APP: variants seen among roughly 807,000 people sequenced by gnomAD.
The protein encoded by APP is amyloid beta precursor protein, also known as amyloid-beta precursor protein.
Under a neutral mutation model 101.4 loss-of-function variants are expected in APP, and 31 were observed. That is an observed-to-expected ratio of 0.31 (90% CI 0.23 to 0.41). The LOEUF (loss-of-function observed/expected upper bound fraction) is 0.41, where lower values mean the gene tolerates loss of function less well. Among genes scored for constraint, APP ranks in the 10% least tolerant of loss-of-function variants. The pLI, the probability that APP is intolerant of heterozygous loss-of-function variation, is 1.00. For missense variants in APP, 839 were observed against 1,003.7 expected, an observed-to-expected ratio of 0.84 and a Z score of 2.22; for synonymous variants, 366 against 364.4, an observed-to-expected ratio of 1.00 and a Z score of -0.05.
intron 13 of APP, among the ~76,000 whole-genome samples, chr21:25,941,114 T>C (rs768323905): frequency 6.6e-5 from 10 of 152,228 alleles, no homozygotes; most frequent in Non-Finnish European, 1.5e-5. Flanking sequence ...AGTTAAGTGG[T>C]AATTCACTGA....
intron 11 of APP, among the ~76,000 whole-genome samples, chr21:25,968,292 G>A (rs113766318): frequency 5.1e-4 from 76 of 150,352 alleles, no homozygotes; most frequent in Middle Eastern, 6.9e-3. Flanking sequence ...CTACAGGCGC[G>A]CACCATCATG....
At chr21:26,092,401 AAAG>A (rs1453182480) in intron 2 of APP, among the ~76,000 whole-genome samples, 1 of 152,184 alleles carries the variant, frequency 6.6e-6, no homozygotes, top group Non-Finnish European at 1.5e-5. Flanking sequence ...TTGCTAAGTG[AAAG>A]AAGCCCATCT....
chr21:26,026,374 C>T (rs757619631), intron 5 of APP, among the ~76,000 whole-genome samples: 1 of 152,122 alleles, frequency 6.6e-6, no homozygotes, highest in Non-Finnish European at 1.5e-5. Flanking sequence ...GACATTCCTA[C>T]GAGGAAATAA....
chr21:25,988,690 G>C (rs1029198174), intron 8 of APP, among the ~76,000 whole-genome samples: 3 of 97,310 alleles, frequency 3.1e-5, no homozygotes, highest in Non-Finnish European at 5.7e-5. Flanking sequence ...TGATAACAGC[G>C]AAACTCTGTC....
intron 1 of APP, among the ~76,000 whole-genome samples, chr21:26,155,217 G>C (rs529350221): frequency 3.9e-5 from 6 of 152,326 alleles, no homozygotes; most frequent in African/African-American, 1.4e-4. Flanking sequence ...CAATGAGCAA[G>C]CTAGATTGCA....
At chr21:26,002,243 G>C (rs943724676) in intron 6 of APP, among the ~76,000 whole-genome samples, 23 of 152,236 alleles carry the variant, frequency 1.5e-4, no homozygotes, top group African/African-American at 4.8e-4. Flanking sequence ...CACCTTCTGG[G>C]CTTAGTGCTG....
At chr21:26,026,189 G>A (rs549012819) in intron 5 of APP, among the ~76,000 whole-genome samples, 4 of 152,204 alleles carry the variant, frequency 2.6e-5, no homozygotes, top group Non-Finnish European at 4.4e-5. Context: ...TAAAATAAAC[G>A]CTTGGCAACA....
intron 2 of APP, among the ~76,000 whole-genome samples, chr21:26,096,350 A>G (rs2061942039): frequency 6.6e-6 from 1 of 152,214 alleles, no homozygotes; most frequent in African/African-American, 2.4e-5. Flanking sequence ...CCCCACATCC[A>G]TCATCTTTGG....
chr21:25,979,480 T>G (rs2042343578), intron 9 of APP, among the ~76,000 whole-genome samples: 1 of 152,192 alleles, frequency 6.6e-6, no homozygotes, highest in South Asian at 2.1e-4. Context: ...GAAAAGTCCC[T>G]AGATTTCAGC....
intron 9 of APP, among the ~76,000 whole-genome samples, chr21:25,981,475 C>A (rs2042427018): frequency 6.6e-6 from 1 of 152,158 alleles, no homozygotes; most frequent in Non-Finnish European, 1.5e-5. Flanking sequence ...AGAAAAGTGA[C>A]TGGAAAATAA....
rs57270357 is a variant in APP at position 25,952,191 on chromosome 21, TACACAC to T, written c.1687+2393_1687+2398del. On this transcript the variant is annotated intron_variant, in intron 13 of 17. Coordinates refer to ENST00000346798, the MANE Select transcript of APP (RefSeq NM_000484.4). The stretch of plus-strand genomic sequence containing the variant: ...GTGGATTGAGAGCATATTACATACA[TACACAC>T]ACACACACACACACACACACACACA... 9.6e-3 allele frequency among the ~76,000 whole-genome samples: 1,343 copies of T among 139,992 alleles called. 11 individuals are homozygous for T. Among genetic ancestry groups the T allele is most frequent in the Non-Finnish European group, 0.015 (940 of 64,030 alleles). The allele number at this position is 139,992 out of a possible 152,430, so 91.8% of individuals were successfully genotyped here.
intron 11 of APP, among the ~76,000 whole-genome samples, chr21:25,969,919 G>GGGGAAGGGAGGGGAGGGGAGGGGAAA (rs1457457337): frequency 7.7e-6 from 1 of 130,034 alleles, no homozygotes; most frequent in Admixed American, 8.0e-5. Flanking sequence ...GGGAGGGGAA[G>GGGGAAGGGAGGGGAGGGGAGGGGAAA]AGAAAAGGAA....
intron 1 of APP, among the ~76,000 whole-genome samples, chr21:26,145,524 T>C (rs565336951): frequency 6.6e-6 from 1 of 152,288 alleles, no homozygotes; most frequent in Admixed American, 6.5e-5. Flanking sequence ...GCCACTCACC[T>C]CCTGCTGTGT....
At chr21:25,908,231 T>C (rs2146306804) in intron 14 of APP, among the ~76,000 whole-genome samples, 1 of 152,366 alleles carries the variant, frequency 6.6e-6, no homozygotes, top group South Asian at 2.1e-4. Context: ...ATTTAGGTTT[T>C]GTGGATGTGA....
intron 5 of APP, among the ~76,000 whole-genome samples, chr21:26,033,859 T>C (rs1488181754): frequency 2.0e-5 from 3 of 151,988 alleles, no homozygotes; most frequent in Non-Finnish European, 4.4e-5. Flanking sequence ...ATCTGATGCT[T>C]TGAGTTGGAG....
At chr21:26,106,962 CA>C (rs369669991) in intron 2 of APP, among the ~76,000 whole-genome samples, 4 of 152,280 alleles carry the variant, frequency 2.6e-5, no homozygotes, top group African/African-American at 9.6e-5. Flanking sequence ...CACACACATA[CA>C]AATGTCCAAA....
At chr21:26,128,396 GAT>G (rs1440500720) in intron 1 of APP, among the ~76,000 whole-genome samples, 2 of 152,186 alleles carry the variant, frequency 1.3e-5, no homozygotes, top group East Asian at 3.8e-4. Context: ...CAAATTTCAA[GAT>G]ATTAAATTTT....
intron 13 of APP, among the ~76,000 whole-genome samples, chr21:25,932,589 C>T (rs544288909): frequency 6.6e-6 from 1 of 152,282 alleles, no homozygotes; most frequent in East Asian, 1.9e-4. Flanking sequence ...AGACCTCATC[C>T]AGGCTTCTGA....
chr21:25,974,045 A>G (rs577081862), intron 11 of APP, among the ~76,000 whole-genome samples: 1 of 152,032 alleles, frequency 6.6e-6, no homozygotes, highest in Non-Finnish European at 1.5e-5. Flanking sequence ...AATGCCGGTG[A>G]ACACATCTAT....
Sources: allele counts gnomAD v4.1 joint callset (sites outside exome capture counted in the v4.1 genomes callset), GRCh38; gene constraint gnomAD v4.1.1; transcripts MANE v1.5; gene names NCBI Gene and HGNC (gene_info 2026-07-23, HGNC 2026-07-21).